The following GPLD1 variants were observed in gnomAD, a reference collection of about 807,000 sequenced individuals.
GPLD1 encodes phosphatidylinositol-glycan-specific phospholipase D.
In GPLD1, 84 loss-of-function variants were observed where a neutral mutation model predicts 112.6. The ratio of observed to expected loss-of-function variants is 0.75; its 90% CI spans 0.63 to 0.89. GPLD1 has a LOEUF of 0.89. Among genes scored for constraint, GPLD1 ranks in the 40% least tolerant of loss-of-function variants. The pLI is 0.00. For missense variants in GPLD1, 1,044 were observed against 1,051.5 expected (o/e 0.99, Z 0.10); for synonymous variants, 386 against 403.8 (o/e 0.96, Z 0.53).
At chr6:24,494,803 G>GGGCGGCGC (rs1764648661) in intron 1 of GPLD1, 2 of 570,102 alleles carry the variant, frequency 3.5e-6, no homozygotes, top group Non-Finnish European at 5.1e-6. Context: ...AAGGTGCAGA[G>GGGCGGCGC]GGCGGCGCGG....
At chr6:24,450,045 C>T (rs1302088433) in intron 14 of GPLD1, 146 bp from the exon 15 acceptor site, 1 of 585,396 alleles carries the variant, frequency 1.7e-6, no homozygotes, top group Non-Finnish European at 3.1e-6. Flanking sequence ...AACATATCTG[C>T]AACACATCAG....
At chr6:24,489,660 G>T, upstream of GPLD1, 3 of 1,342,360 alleles carry the variant, frequency 2.2e-6, no homozygotes, top group Non-Finnish European at 3.0e-6. Flanking sequence ...AAATAATATC[G>T]TTTTCCAATG....
rs747831349 is a variant in GPLD1 at position 24,437,117 on chromosome 6, G to GGTAAGTGA, written c.2192_2193insTCACTTAC (p.Leu732HisfsTer4). ...AGGGTCCTGTTCCTTTCTTACCTAA[G>GGTAAGTGA]CCATCATCATCCAGGTCACTCAAGT... is the stretch of plus-strand genomic sequence containing the variant. On this transcript the variant is annotated frameshift_variant, in exon 21 of 25. Coordinates refer to ENST00000230036, the MANE Select transcript of GPLD1 (RefSeq NM_001503.4). LOFTEE classifies it high-confidence loss of function. 5 of 1,613,716 alleles carry GGTAAGTGA rather than the reference G, an allele frequency of 3.1e-6. No homozygotes were observed. Among genetic ancestry groups the GGTAAGTGA allele is most frequent in the Non-Finnish European group, 4.2e-6 (5 of 1,179,696 alleles).
intron 24 of GPLD1, among the ~76,000 whole-genome samples, chr6:24,430,454 A>G (rs1468609393): frequency 6.6e-6 from 1 of 152,124 alleles, no homozygotes; most frequent in African/African-American, 2.4e-5. Flanking sequence ...TGGGGCTGGG[A>G]CCATGTCTCA....
At chr6:24,456,428 C>T (rs1763271277) in intron 13 of GPLD1, 70 bp downstream of exon 13, 2 of 974,022 alleles carry the variant, frequency 2.1e-6, no homozygotes, top group Admixed American at 2.4e-5. Context: ...AAATAAAAAA[C>T]AGTTGCAGAA....
At chr6:24,442,450 TTTTTTTTTTTTTG>T (rs1762778150) in intron 20 of GPLD1, among the ~76,000 whole-genome samples, 2 of 18,820 alleles carry the variant, frequency 1.1e-4, no homozygotes, top group African/African-American at 4.0e-4. Context: ...TTTTTTTTTT[TTTTTTTTTTTTTG>T]AGATGGAATT....
intron 3 of GPLD1, among the ~76,000 whole-genome samples, chr6:24,478,395 T>A (rs1392709402): frequency 6.6e-6 from 1 of 152,148 alleles, no homozygotes; most frequent in Non-Finnish European, 1.5e-5. Context: ...CCCAGATAGT[T>A]CATTTCAGTC....
chr6:24,433,428 T>C, intron 22 of GPLD1, 39 bp from the exon 23 acceptor site: 4 of 1,434,662 alleles, frequency 2.8e-6, no homozygotes, highest in Non-Finnish European at 3.9e-6. Context: ...ATGTTATTAC[T>C]GTTTGTGTGG....
chr6:24,486,051 GA>G, intron 2 of GPLD1, 23 bp downstream of exon 2: 1 of 1,452,856 alleles, frequency 6.9e-7, no homozygotes, highest in Non-Finnish European at 9.6e-7. Context: ...GCACAAAGAA[GA>G]AAAGAAAAAT....
rs780434067 is a variant in GPLD1, at chr6:24,437,123, A to G, written c.2187T>C (p.Asp729=). 6 of 1,614,136 alleles carry G rather than the reference A, an allele frequency of 3.7e-6. No individual in the cohort carries two copies. The Admixed American group carries it at 1.0e-4, about 27-fold the overall frequency. Residue 729 remains aspartate (D), a synonymous_variant, in exon 21 of 25, where the codon GAT becomes GAC. Transcript: ENST00000230036. ...CTGTTCCTTTCTTACCTAAGCCATC[A>G]TCATCCAGGTCACTCAAGTGCAGAA... The part of the protein sequence containing the change: ...GGVLHLSDLD[D]DGLDEIIMAA...
rs908333874 is a variant in GPLD1 at position 24,443,512 on chromosome 6, A to G, written c.2020+2034T>C. ...TTTATGAGAAACAGTTTTGCTGCTT[A>G]CTCAAATAGCCTCCAGTGGTATACT... On this transcript the variant is annotated intron_variant, in intron 20 of 24. Coordinates refer to ENST00000230036, the MANE Select transcript of GPLD1 (RefSeq NM_001503.4). Among the ~76,000 whole-genome samples the G allele has an allele frequency of 4.6e-5, 7 of 152,272 alleles. No individual in the cohort carries two copies. The South Asian group carries it at 8.3e-4, about 18-fold the overall frequency.
At chr6:24,494,665 G>T (rs1673501502) in intron 1 of GPLD1, among the ~76,000 whole-genome samples, 1 of 152,208 alleles carries the variant, frequency 6.6e-6, no homozygotes, top group African/African-American at 2.4e-5. Context: ...TGACAAATGA[G>T]CACCCGAAAA....
rs905869698 is a variant in GPLD1, at chr6:24,448,010, C to T, written c.1545G>A (p.Trp515Ter). The T allele has an allele frequency of 2.5e-6, 4 of 1,613,654 alleles. No individual in the cohort carries two copies. Among genetic ancestry groups the T allele is most frequent in the Non-Finnish European group, 3.4e-6 (4 of 1,179,928 alleles). The change falls in exon 17 of 25, where the codon TGG (tryptophan) becomes TGA (stop). Residue 515 changes from tryptophan to a stop codon, truncating the protein, a stop_gained. Transcript: ENST00000230036. LOFTEE classifies it high-confidence loss of function. ...SCQDIYCNLG[W>*]TLLAADVNGD... ...CATTCACATCTGCAGCCAAGAGAGT[C>T]CAGCCCAAGTTACAGTAGATGTCCT...
chr6:24,450,057 T>C (rs914041726), intron 14 of GPLD1, among the ~76,000 whole-genome samples, 158 bp from the exon 15 acceptor site: 1 of 152,094 alleles, frequency 6.6e-6, no homozygotes, highest in Non-Finnish European at 1.5e-5. Context: ...ACACATCAGT[T>C]AGGTAGCTCT....
chr6:24,456,701 C>T, intron 12 of GPLD1, 64 bp from the exon 13 acceptor site: 2 of 1,143,620 alleles, frequency 1.7e-6, no homozygotes, highest in Non-Finnish European at 2.5e-6. Flanking sequence ...GCTACTGTTT[C>T]CTGTCCAAAG....
intron 1 of GPLD1, 30 bp from the exon 2 acceptor site, chr6:24,486,160 A>T: frequency 7.7e-7 from 1 of 1,296,798 alleles, no homozygotes; most frequent in Non-Finnish European, 1.1e-6. Flanking sequence ...AAATCAATTA[A>T]GTTCAACTAT....
rs1223456056 is a variant in GPLD1, at chr6:24,462,322, T to C, written c.887+408A>G. On this transcript the variant is annotated intron_variant, in intron 11 of 24. Coordinates refer to ENST00000230036, the MANE Select transcript of GPLD1 (RefSeq NM_001503.4). ...TAATTTTGTTCATTTTTTGTAGATA[T>C]AGGGGTCTCACTATGTTGCTGAGGC... Among the ~76,000 whole-genome samples the C allele has an allele frequency of 2.6e-5, 4 of 152,020 alleles. No individual in the cohort carries two copies. The South Asian group carries it at 8.3e-4, about 32-fold the overall frequency.
chr6:24,456,471 TCA>T, intron 13 of GPLD1, 25 bp downstream of exon 13: 1 of 1,455,182 alleles, frequency 6.9e-7, no homozygotes, highest in Non-Finnish European at 9.4e-7. Flanking sequence ...AAGAAAACAT[TCA>T]CAAGTTAGAT....
At chr6:24,487,184 T>C (rs1368807013) in intron 1 of GPLD1, among the ~76,000 whole-genome samples, 1 of 152,218 alleles carries the variant, frequency 6.6e-6, no homozygotes, top group Non-Finnish European at 1.5e-5. Flanking sequence ...AAATAACCTG[T>C]GTACAGGATT....
Sources: gnomAD v4.1 joint callset for allele counts (sites outside exome capture counted in the v4.1 genomes callset) on GRCh38, gnomAD v4.1.1 for gene constraint, MANE v1.5 for transcripts, NCBI Gene and HGNC (gene_info 2026-07-23, HGNC 2026-07-21) for gene names.